ATF7IP2: variants seen among roughly 807,000 people sequenced by gnomAD.
ATF7IP2 encodes the protein activating transcription factor 7 interacting protein 2.
A neutral mutation model predicts 64.2 loss-of-function variants in ATF7IP2; 42 were observed. That is an observed-to-expected ratio of 0.65 (90% confidence interval 0.51 to 0.85). The LOEUF is 0.85. ATF7IP2 is among the 40% of genes least tolerant of loss of function. The pLI is 0.00. For missense variants in ATF7IP2, 933 were observed against 784.2 expected, an observed-to-expected ratio of 1.19 and a Z score of -2.27; for synonymous variants, 308 against 272.8, an observed-to-expected ratio of 1.13 and a Z score of -1.27.
At chr16:10,408,111 A>T (rs2353907) in intron 1 of ATF7IP2, among the ~76,000 whole-genome samples, 1 of 151,782 alleles carries the variant, frequency 6.6e-6, no homozygotes, top group African/African-American at 2.4e-5. Context: ...GGGGTTTCAC[A>T]ATGTTGGCCA....
chr16:10,389,561 A>G (rs1223873509), intron 1 of ATF7IP2, among the ~76,000 whole-genome samples: 2 of 152,210 alleles, frequency 1.3e-5, no homozygotes, highest in East Asian at 3.8e-4. Flanking sequence ...AAAAAAATAC[A>G]TATGTGAGCT....
chr16:10,419,619 C>A lies in ATF7IP2; in HGVS notation c.-164C>A. 1 of 153,430 alleles carries A rather than the reference C, an allele frequency of 6.5e-6. No individual in the cohort carries two copies. The highest frequency in any genetic ancestry group is 1.8e-4 in the South Asian group (1 of 5,498). The allele number at this position is 153,430 out of a possible 1,614,324, so 9.5% of individuals were successfully genotyped here. ...GTCTGTGACAGCTTCTTGATCTGTC[C>A]CCAGGTAGGTGGCTGCATTCGACAG... is the stretch of plus-strand genomic sequence containing the variant. On this transcript the variant is annotated 5_prime_UTR_variant, in exon 3 of 14. Coordinates refer to ENST00000562102, the MANE Select transcript of ATF7IP2 (RefSeq NM_001393719.1).
intron 9 of ATF7IP2, among the ~76,000 whole-genome samples, chr16:10,470,706 C>T (rs537074203): frequency 1.1e-4 from 16 of 151,888 alleles, no homozygotes; most frequent in African/African-American, 2.7e-4. Context: ...ATCTTTTGAG[C>T]CCAGAGGTTC....
intron 1 of ATF7IP2, among the ~76,000 whole-genome samples, chr16:10,388,115 T>TCCTGA (rs890209164): frequency 3.3e-5 from 5 of 152,118 alleles, no homozygotes; most frequent in Admixed American, 6.6e-5. Context: ...GGTCTCGAAT[T>TCCTGA]CCTGACCTCA....
At chr16:10,451,712 C>T (rs2048990733) in intron 8 of ATF7IP2, among the ~76,000 whole-genome samples, 1 of 151,846 alleles carries the variant, frequency 6.6e-6, no homozygotes, top group African/African-American at 2.4e-5. Context: ...TTCTACTTAG[C>T]TATTTATCTA....
chr16:10,435,844 C>T (rs7189310), intron 6 of ATF7IP2, among the ~76,000 whole-genome samples: 112,729 of 152,002 alleles, frequency 0.74, 41,991 homozygotes, highest in East Asian at 0.87. Context: ...CCTAGGAATT[C>T]GATTTTTAAC....
chr16:10,413,593 G>A (rs1338543993), intron 1 of ATF7IP2, among the ~76,000 whole-genome samples: 1 of 151,856 alleles, frequency 6.6e-6, no homozygotes, highest in Non-Finnish European at 1.5e-5. Context: ...TTGGTTTTTT[G>A]TTTGTTTGTT....
At chr16:10,437,328 C>A (rs1489124334) in intron 6 of ATF7IP2, among the ~76,000 whole-genome samples, 2 of 152,084 alleles carry the variant, frequency 1.3e-5, no homozygotes, top group Non-Finnish European at 2.9e-5. Flanking sequence ...TGGCTTCTTT[C>A]AGTTTTAGCA....
chr16:10,390,434 C>T (rs2047299157), intron 1 of ATF7IP2, among the ~76,000 whole-genome samples: 3 of 152,014 alleles, frequency 2.0e-5, no homozygotes, highest in African/African-American at 7.2e-5. Flanking sequence ...AACTTGTGGG[C>T]TCAACTAAAG....
chr16:10,398,393 A>T (rs1194937776), intron 1 of ATF7IP2, among the ~76,000 whole-genome samples: 1 of 152,200 alleles, frequency 6.6e-6, no homozygotes, highest in African/African-American at 2.4e-5. Context: ...AACATGAATT[A>T]GTATAGCCAT....
chr16:10,419,278 A>T (rs1399856287), intron 2 of ATF7IP2, among the ~76,000 whole-genome samples: 3 of 152,180 alleles, frequency 2.0e-5, no homozygotes, highest in Non-Finnish European at 4.4e-5. Context: ...CCTTTCCCAA[A>T]CAGATAGGTG....
chr16:10,462,643 A>G (rs911754994), intron 9 of ATF7IP2, among the ~76,000 whole-genome samples: 1 of 152,100 alleles, frequency 6.6e-6, no homozygotes, highest in Non-Finnish European at 1.5e-5. Context: ...TCAATATACT[A>G]TAAGATGTTA....
At chr16:10,437,674 A>G (rs376813637) in intron 6 of ATF7IP2, among the ~76,000 whole-genome samples, 3 of 152,196 alleles carry the variant, frequency 2.0e-5, no homozygotes, top group African/African-American at 7.2e-5. Flanking sequence ...AATTTGTTCT[A>G]TATCTACTAC....
intron 8 of ATF7IP2, among the ~76,000 whole-genome samples, chr16:10,444,715 C>A (rs888557644): frequency 1.3e-5 from 2 of 152,100 alleles, no homozygotes; most frequent in Non-Finnish European, 2.9e-5. Flanking sequence ...TTTTTTTCTA[C>A]CTTCCTTGAT....
At chr16:10,447,834 G>C (rs1360951131) in intron 8 of ATF7IP2, 3 of 152,166 alleles carry the variant, frequency 2.0e-5, no homozygotes, top group Admixed American at 6.5e-5. Flanking sequence ...AAAGGACAAG[G>C]GGGGTGAAAT....
intron 9 of ATF7IP2, among the ~76,000 whole-genome samples, chr16:10,457,994 G>A (rs930750371): frequency 1.3e-5 from 2 of 152,240 alleles, no homozygotes; most frequent in African/African-American, 4.8e-5. Flanking sequence ...TTACAGGCAT[G>A]AGCCACTGCG....
chr16:10,390,305 C>A (rs1410326899), intron 1 of ATF7IP2, among the ~76,000 whole-genome samples: 1 of 152,030 alleles, frequency 6.6e-6, no homozygotes, highest in Non-Finnish European at 1.5e-5. Flanking sequence ...CACAAAGATA[C>A]AGGAAATATG....
At chr16:10,464,555 T>C (rs749766666) in intron 9 of ATF7IP2, among the ~76,000 whole-genome samples, 2 of 152,190 alleles carry the variant, frequency 1.3e-5, no homozygotes, top group Non-Finnish European at 2.9e-5. Context: ...AAAATTAAAC[T>C]TGCTTAAGTT....
In ATF7IP2 at chr16:10,483,012, C is replaced by CCCTGACAGCAGTGGTTTTCTTA. The variant is rs2050292895; in HGVS notation, c.*764_*765insCTGACAGCAGTGGTTTTCTTAC. The stretch of plus-strand genomic sequence containing the variant: ...TATAGGCGTAAGCCACCATGCCTGG[C>CCCTGACAGCAGTGGTTTTCTTA]CAAAAATTAAAAGATTTTATGAAAC... On this transcript the variant is annotated 3_prime_UTR_variant, in exon 14 of 14. Coordinates refer to ENST00000562102, the MANE Select transcript of ATF7IP2 (RefSeq NM_001393719.1). The CCCTGACAGCAGTGGTTTTCTTA allele has an allele frequency of 6.6e-6, 1 of 152,198 alleles. No homozygotes were observed. Among genetic ancestry groups the CCCTGACAGCAGTGGTTTTCTTA allele is most frequent in the Admixed American group, 6.5e-5 (1 of 15,282 alleles). 9.4% of individuals were successfully genotyped at this position (152,198 alleles called of 1,614,324 possible).
Sources: allele counts gnomAD v4.1 joint callset (sites outside exome capture counted in the v4.1 genomes callset), GRCh38; gene constraint gnomAD v4.1.1; transcripts MANE v1.5; gene names NCBI Gene and HGNC (gene_info 2026-07-23, HGNC 2026-07-21).